KIAA1586: variants seen among roughly 807,000 people sequenced by gnomAD.
The protein encoded by KIAA1586 is E3 SUMO-protein ligase KIAA1586.
KIAA1586 carries 5 observed loss-of-function variants against 6.1 expected under a neutral mutation model. That is an observed-to-expected ratio of 0.82 (90% confidence interval 0.43 to 1.73). The LOEUF is 1.73. Ranked by LOEUF, KIAA1586 falls within the 40% of genes most tolerant of loss-of-function variation. KIAA1586 has a pLI of 0.02. For synonymous variants in KIAA1586, 280 were observed against 301.7 expected, an observed-to-expected ratio of 0.93 and a Z score of 0.75; for missense variants, 899 against 878.2, an observed-to-expected ratio of 1.02 and a Z score of -0.30.
At chr6:57,047,011 G>A (rs1828214402) in intron 1 of KIAA1586, 1 of 530,350 alleles carries the variant, frequency 1.9e-6, no homozygotes, top group East Asian at 3.1e-5. Flanking sequence ...GGCTGGGCCA[G>A]TGGGAGCGAC....
downstream of KIAA1586, among the ~76,000 whole-genome samples, chr6:57,057,623 A>C (rs1183679005): frequency 1.1e-4 from 16 of 152,000 alleles, no homozygotes; most frequent in Admixed American, 1.0e-3. Context: ...GCATGGTGGC[A>C]GGTGCCTGTA....
chr6:57,053,305 C>T lies in KIAA1586; in HGVS notation c.806C>T (p.Ala269Val). 6.2e-7 allele frequency: 1 copy of T among 1,612,116 alleles called. No homozygotes were observed. Among genetic ancestry groups the T allele is most frequent in the Non-Finnish European group, 8.5e-7 (1 of 1,179,158 alleles). The change falls in exon 4 of 4, where the codon GCA becomes GTA. Residue 269 changes from alanine to valine, a missense_variant. Transcript: ENST00000370733. Reference sequence around the variant, plus strand: ...AGACCTTTATCTGATATTGAGGGGGCAAGAGAATTACAGGAAAAAAATGGA... The same window carrying T: ...AGACCTTTATCTGATATTGAGGGGGTAAGAGAATTACAGGAAAAAAATGGA... ...HNRPLSDIEG[A>V]RELQEKNGEV...
chr6:57,054,137 A>T lies in KIAA1586; in HGVS notation c.1638A>T (p.Arg546Ser). The T allele has an allele frequency of 6.3e-7, 1 of 1,594,702 alleles. No individual in the cohort carries two copies. The highest frequency in any genetic ancestry group is 1.8e-5 in the Admixed American group (1 of 54,738). The change falls in exon 4 of 4, where the codon AGA becomes AGT. Residue 546 changes from arginine to serine, a missense_variant. Physicochemically the swap from Arg to Ser is moderately radical, Grantham distance 110 (BLOSUM62 -1). Transcript: ENST00000370733. ...TACTTTCAACTGCATTACAGTCAAG[A>T]TCAACTAATATTAAGAAAGCACAAA... Reference protein sequence around the residue: ...FSVLSTALQSRSTNIKKAQKL... With the variant: ...FSVLSTALQSSSTNIKKAQKL...
chr6:57,063,384 T>C, the KIAA1586 span, among the ~76,000 whole-genome samples: 2 of 151,894 alleles, frequency 1.3e-5, no homozygotes, highest in East Asian at 3.9e-4. Flanking sequence ...TAAAATCACA[T>C]GAGATAAATG....
Position 57,047,303 on chromosome 6 carries a change from G to A in KIAA1586, c.22-10G>A, listed in dbSNP as rs1285048958. ...TGAACAGATAAGCATGTTTTGGCTT[G>A]TTTTTATAGATAATAGAATCTGTCC... is the stretch of plus-strand genomic sequence containing the variant. On this transcript the variant is annotated splice_polypyrimidine_tract_variant and intron_variant, in intron 1 of 3. Transcript: ENST00000370733. The A allele has an allele frequency of 2.3e-5, 1 of 42,746 alleles. No individual in the cohort carries two copies. The highest frequency in any genetic ancestry group is 2.8e-4 in the Admixed American group (1 of 3,580). 2.6% of individuals were successfully genotyped at this position (42,746 alleles called of 1,614,324 possible).
At chr6:57,058,415 G>A (rs1828526353), downstream of KIAA1586, among the ~76,000 whole-genome samples, 1 of 152,186 alleles carries the variant, frequency 6.6e-6, no homozygotes, top group Admixed American at 6.5e-5. Flanking sequence ...AGAATTAAGA[G>A]ATGAATTTAG....
chr6:57,050,477 C>T (rs1828291047), intron 2 of KIAA1586, among the ~76,000 whole-genome samples: 1 of 151,206 alleles, frequency 6.6e-6, no homozygotes, highest in Non-Finnish European at 1.5e-5. Flanking sequence ...GCCACCGTAC[C>T]CATCTGATTT....
At chr6:57,050,608 T>C (rs1828294133) in intron 2 of KIAA1586, among the ~76,000 whole-genome samples, 166 bp from the exon 3 acceptor site, 1 of 151,982 alleles carries the variant, frequency 6.6e-6, no homozygotes, top group African/African-American at 2.4e-5. Flanking sequence ...GAGCCACTGC[T>C]CCCAGCCCCT....
chr6:57,054,985 G>C lies in KIAA1586; in HGVS notation c.*122G>C, dbSNP rs747761800. 11 of 1,124,500 alleles carry C rather than the reference G, an allele frequency of 9.8e-6. No individual in the cohort carries two copies. Among genetic ancestry groups the C allele is most frequent in the African/African-American group, 1.6e-5 (1 of 63,566 alleles). 69.7% of individuals were successfully genotyped at this position (1,124,500 alleles called of 1,614,324 possible). A position where few individuals can be genotyped will look rare whatever the true frequency, so the allele number is the denominator to read the frequency against. ...TTATCAGCATGTTGCTGTTTAAAAG[G>C]CGTTCTTTAAGAAGATAATCTTGAA... is the stretch of plus-strand genomic sequence containing the variant. On this transcript the variant is annotated 3_prime_UTR_variant, in exon 4 of 4. Transcript: ENST00000370733.
chr6:57,054,837 C>A lies in KIAA1586; in HGVS notation c.2338C>A (p.Gln780Lys). Residue 780 changes from glutamine (Q) to lysine (K), a missense_variant, in exon 4 of 4, where the codon CAA becomes AAA. Physicochemically the swap from Gln to Lys is moderately conservative, Grantham distance 53. Transcript: ENST00000370733. ...QKSTKVFHENQLAIWNLK is the reference protein window; with the variant it reads ...QKSTKVFHENKLAIWNLK ...GTCAACAAAAGTCTTCCATGAGAAT[C>A]AATTGGCTATATGGAACTTAAAATA... 1.7e-5 allele frequency: 26 copies of A among 1,550,098 alleles called. No homozygotes were observed. Among genetic ancestry groups the A allele is most frequent in the Non-Finnish European group, 2.2e-5 (25 of 1,146,098 alleles).
Position 57,053,245 on chromosome 6 carries a change from T to C in KIAA1586, c.746T>C (p.Val249Ala). 3.1e-6 allele frequency: 5 copies of C among 1,599,654 alleles called. No individual in the cohort carries two copies. The highest frequency in any genetic ancestry group is 4.3e-6 in the Non-Finnish European group (5 of 1,175,096). ...NNKNIDATVK[V>A]FNTVYSLVKH... ...AAAAATATTGATGCTACTGTAAAAG[T>C]TTTCAATACTGTTTACAGTTTAGTA... is the stretch of plus-strand genomic sequence containing the variant. Residue 249 changes from valine to alanine, a missense_variant, in exon 4 of 4, where the codon GTT (valine) becomes GCT (alanine). By Grantham distance (64) the Val-to-Ala change is moderately conservative. Transcript: ENST00000370733.
rs1562571108 is a variant in KIAA1586, at chr6:57,053,602, CT to C, written c.1104del (p.Thr369LeufsTer2). 2 of 1,609,920 alleles carry C rather than the reference CT, an allele frequency of 1.2e-6. No homozygotes were observed. Among genetic ancestry groups the C allele is most frequent in the Non-Finnish European group, 1.7e-6 (2 of 1,177,216 alleles). ...IAECIVNTLL[T>X]TLNDCGFTNE... ...GAGTGTATTGTCAATACATTATTGA[CT>C]ACTTTAAATGATTGTGGTTTTACAA... On this transcript the variant is annotated frameshift_variant, in exon 4 of 4. Coordinates refer to ENST00000370733, the MANE Select transcript of KIAA1586 (RefSeq NM_020931.4). LOFTEE classifies it low-confidence loss of function (END_TRUNC).
the KIAA1586 span, among the ~76,000 whole-genome samples, chr6:57,064,494 A>G: frequency 6.6e-6 from 1 of 152,164 alleles, no homozygotes; most frequent in South Asian, 2.1e-4. Context: ...CTCTTCAATG[A>G]CAACATTTTT....
the KIAA1586 span, among the ~76,000 whole-genome samples, chr6:57,062,000 T>C: frequency 1.3e-5 from 2 of 151,898 alleles, no homozygotes; most frequent in Non-Finnish European, 1.5e-5. Context: ...GGTGCGATCT[T>C]GGCTTACTGC....
At chr6:57,052,216 A>T (rs1025360284) in intron 3 of KIAA1586, among the ~76,000 whole-genome samples, 4 of 152,228 alleles carry the variant, frequency 2.6e-5, no homozygotes, top group Admixed American at 2.6e-4. Context: ...ATAAAAATAC[A>T]ATAATAAACA....
downstream of KIAA1586, among the ~76,000 whole-genome samples, chr6:57,055,832 A>G (rs1041046764): frequency 6.6e-6 from 1 of 152,210 alleles, no homozygotes; most frequent in Non-Finnish European, 1.5e-5. Flanking sequence ...TGGCAATTGC[A>G]GTTTGCTGTG....
At position 57,053,566 on chromosome 6, in the gene KIAA1586, C is replaced by A; in HGVS notation, c.1067C>A (p.Ser356Ter). ...MLFVALKELV[S>*]TIAECIVNTL... is the part of the protein sequence containing the mutation. ...TTTGTGGCTTTAAAAGAATTGGTGTCAACTATAGCAGAGTGTATTGTCAAT... is the reference window on the plus strand; with the variant it reads ...TTTGTGGCTTTAAAAGAATTGGTGTAAACTATAGCAGAGTGTATTGTCAAT... Residue 356 changes from serine to a stop codon, truncating the protein, a stop_gained, in exon 4 of 4, where the codon TCA becomes TAA. Transcript: ENST00000370733. LOFTEE classifies it low-confidence loss of function (END_TRUNC). 1.2e-6 allele frequency: 2 copies of A among 1,612,142 alleles called. No individual in the cohort carries two copies. Among genetic ancestry groups the A allele is most frequent in the East Asian group, 4.5e-5 (2 of 44,828 alleles).
chr6:57,066,674 A>G, the KIAA1586 span, among the ~76,000 whole-genome samples: 5 of 152,210 alleles, frequency 3.3e-5, no homozygotes, highest in South Asian at 1.0e-3. Flanking sequence ...ACTGCATGTG[A>G]TGTCCTGGGC....
chr6:57,054,292 T>A lies in KIAA1586; in HGVS notation c.1793T>A (p.Phe598Tyr). The change falls in exon 4 of 4, where the codon TTT becomes TAT. Residue 598 changes from phenylalanine (F) to tyrosine (Y), a missense_variant. Phe to Tyr is a conservative substitution (Grantham distance 22). Transcript: ENST00000370733. ...ATTCCATTTAATAAAAACAATAAAT[T>A]TAATGCTCTTCCTAGGAGTATATTA... ...KDIPFNKNNK[F>Y]NALPRSILLD... The A allele has an allele frequency of 1.3e-6, 2 of 1,580,262 alleles. No individual in the cohort carries two copies. The highest frequency in any genetic ancestry group is 1.7e-6 in the Non-Finnish European group (2 of 1,166,428).
Sources: allele counts gnomAD v4.1 joint callset (sites outside exome capture counted in the v4.1 genomes callset), GRCh38; gene constraint gnomAD v4.1.1; transcripts MANE v1.5; gene names NCBI Gene and HGNC (gene_info 2026-07-23, HGNC 2026-07-21).